Variants in SCIN observed in about 807,000 individuals in gnomAD.
SCIN encodes scinderin, also known as adseverin.
SCIN carries 91 observed loss-of-function variants against 91.8 expected under a neutral mutation model. The ratio of observed to expected loss-of-function variants is 0.99; its 90% CI spans 0.84 to 1.18. SCIN has a LOEUF of 1.18. Among genes scored for constraint, SCIN ranks in the 50% most tolerant of loss-of-function variants. The pLI is 0.00. For missense variants in SCIN, 1,087 were observed against 863.9 expected (o/e 1.26, Z -3.24); for synonymous variants, 367 against 312.6 (o/e 1.17, Z -1.84).
At chr7:12,583,219 A>T (rs561856789) in intron 3 of SCIN, among the ~76,000 whole-genome samples, 1 of 151,966 alleles carries the variant, frequency 6.6e-6, no homozygotes, top group Non-Finnish European at 1.5e-5. Context: ...ATCTGCTATG[A>T]TATTGGGCAA....
intron 3 of SCIN, among the ~76,000 whole-genome samples, chr7:12,593,543 A>G (rs1354474193): frequency 2.0e-5 from 3 of 152,218 alleles, no homozygotes; most frequent in East Asian, 3.8e-4. Context: ...AATTTTTTAA[A>G]GAAAGAACAA....
At chr7:12,614,257 G>A (rs751280745) in intron 4 of SCIN, among the ~76,000 whole-genome samples, 15 of 152,046 alleles carry the variant, frequency 9.9e-5, no homozygotes, top group Non-Finnish European at 2.1e-4. Flanking sequence ...TAATCTTTTT[G>A]TTACATTTTC....
At chr7:12,626,349 G>A (rs1481838565) in intron 7 of SCIN, 3 of 496,976 alleles carry the variant, frequency 6.0e-6, no homozygotes, top group Admixed American at 7.5e-5. Flanking sequence ...TATGTAGAAA[G>A]ACAAACTTAT....
chr7:12,594,537 A>T (rs547884587), intron 3 of SCIN, among the ~76,000 whole-genome samples: 1 of 152,160 alleles, frequency 6.6e-6, no homozygotes, highest in Non-Finnish European at 1.5e-5. Flanking sequence ...CCATTGTCCA[A>T]TTGGTATTGA....
chr7:12,625,136 TGGAA>T lies in SCIN; in HGVS notation c.887_890del (p.Trp296Ter). Reference sequence around the variant, plus strand: ...CGGGGCTGCCAAACAAATTTTCGTATGGAAAGGTAAAAAATTCCATTGACGATGC... The same window carrying T: ...CGGGGCTGCCAAACAAATTTTCGTATAGGTAAAAAATTCCATTGACGATGC... On this transcript the variant is annotated frameshift_variant and splice_region_variant, in exon 6 of 16. Transcript: ENST00000297029. LOFTEE classifies it high-confidence loss of function. The T allele has an allele frequency of 6.2e-7, 1 of 1,608,792 alleles. No individual in the cohort carries two copies.
intron 9 of SCIN, among the ~76,000 whole-genome samples, chr7:12,635,180 A>C (rs748841015): frequency 9.2e-5 from 14 of 151,764 alleles, no homozygotes; most frequent in Non-Finnish European, 1.3e-4. Flanking sequence ...AATAATAATA[A>C]TAATAATAAT....
intron 12 of SCIN, 95 bp downstream of exon 12, chr7:12,644,410 T>C: frequency 3.4e-6 from 5 of 1,457,968 alleles, no homozygotes; most frequent in Non-Finnish European, 4.6e-6. Context: ...TCTAATGGCT[T>C]ATAAGGGTTA....
rs2115305611 is a variant in SCIN at position 12,651,762 on chromosome 7, T to C, written c.1960-79T>C. 1 of 849,638 alleles carries C rather than the reference T, an allele frequency of 1.2e-6. No homozygotes were observed. Among genetic ancestry groups the C allele is most frequent in the East Asian group, 2.7e-5 (1 of 36,942 alleles). The allele number at this position is 849,638 out of a possible 1,614,324, so 52.6% of individuals were successfully genotyped here. On this transcript the variant is annotated intron_variant, in intron 14 of 15. Coordinates refer to ENST00000297029, the MANE Select transcript of SCIN (RefSeq NM_001112706.3). This position sits in a 1 kb window ranked among gnomAD's most constrained non-coding sequence, Gnocchi z 5.9. ...GTGAAGATTGAATGAGCAATGTGTG[T>C]GTGAAGCACTTTACATAGGGCCTAG... is the stretch of plus-strand genomic sequence containing the variant.
intron 1 of SCIN, chr7:12,577,625 G>C: frequency 2.2e-6 from 1 of 456,304 alleles, no homozygotes; most frequent in Non-Finnish European, 4.4e-6. Flanking sequence ...GCCAAAGCCA[G>C]AGGACTGCTT....
chr7:12,618,245 A>C (rs1383268763), intron 4 of SCIN, among the ~76,000 whole-genome samples: 3 of 152,146 alleles, frequency 2.0e-5, no homozygotes, highest in African/African-American at 7.2e-5. Flanking sequence ...CATTTCAGGT[A>C]CTCATTAGCT....
At chr7:12,596,809 C>G (rs1409058462) in intron 3 of SCIN, among the ~76,000 whole-genome samples, 2 of 152,114 alleles carry the variant, frequency 1.3e-5, no homozygotes, top group Non-Finnish European at 2.9e-5. Context: ...AGTGGCATCA[C>G]TACCAGCAAC....
chr7:12,635,943 C>T (rs1207953461), intron 9 of SCIN, 102 bp from the exon 10 acceptor site: 3 of 834,914 alleles, frequency 3.6e-6, no homozygotes, highest in Non-Finnish European at 5.9e-6. Context: ...CAGTTCGCTT[C>T]TTCTTGATCT....
At chr7:12,605,245 G>C (rs1783053707) in intron 4 of SCIN, among the ~76,000 whole-genome samples, 2 of 152,070 alleles carry the variant, frequency 1.3e-5, no homozygotes, top group South Asian at 2.1e-4. Context: ...TAGACGCAGG[G>C]CTTCACCATG....
rs114814691 is a variant in SCIN, at chr7:12,630,765, G to A, written c.1319+1543G>A. Among the ~76,000 whole-genome samples the A allele has an allele frequency of 3.5e-3, 533 of 152,286 alleles. 7 individuals carry two copies. The highest frequency in any genetic ancestry group is 0.012 in the African/African-American group (497 of 41,556). ...GACAGATTAAGTAATTTAACTCAAA[G>A]TCACAGCTGTTGTAACTGGTAAAGC... On this transcript the variant is annotated intron_variant, in intron 9 of 15. Transcript: ENST00000297029.
In SCIN at chr7:12,640,371, C is replaced by A; in HGVS notation, c.1435C>A (p.Pro479Thr). Residue 479 changes from proline (P) to threonine (T), a missense_variant, in exon 11 of 16, where the codon CCT becomes ACT. Physicochemically the swap from Pro to Thr is conservative, Grantham distance 38. Coordinates refer to ENST00000297029, the MANE Select transcript of SCIN (RefSeq NM_001112706.3). Reference protein sequence around the residue: ...VQIRVSQGKEPVHLLSLFKDK... With the variant: ...VQIRVSQGKETVHLLSLFKDK... ...GATCCGAGTCTCCCAAGGCAAAGAG[C>A]CTGTTCACCTACTGAGTTTGTTCAA... 6.2e-7 allele frequency: 1 copy of A among 1,606,140 alleles called. No individual in the cohort carries two copies. The highest frequency in any genetic ancestry group is 1.7e-5 in the Admixed American group (1 of 58,964).
At chr7:12,637,356 G>A (rs998400440) in intron 10 of SCIN, among the ~76,000 whole-genome samples, 2 of 152,128 alleles carry the variant, frequency 1.3e-5, no homozygotes, top group African/African-American at 4.8e-5. Flanking sequence ...AAATAGCATG[G>A]GTCCTTATAT....
At chr7:12,578,872 G>A (rs1782427789) in intron 2 of SCIN, among the ~76,000 whole-genome samples, 1 of 140,338 alleles carries the variant, frequency 7.1e-6, no homozygotes, top group Non-Finnish European at 1.5e-5. Context: ...TAGTTAAATG[G>A]TTCTATCCCT....
rs755117335 is a variant in SCIN at position 12,644,126 on chromosome 7, T to C, written c.1582-12T>C. The C allele has an allele frequency of 1.6e-5, 26 of 1,605,910 alleles. No homozygotes were observed. In the East Asian group the frequency reaches 5.4e-4, roughly 33 times the overall value. On this transcript the variant is annotated splice_polypyrimidine_tract_variant and intron_variant, in intron 11 of 15. Transcript: ENST00000297029. ...AATTTGAATCATTGTTTTATTTTTC[T>C]TCATATTCCAGGTTGATGTTGATGC...
At chr7:12,648,021 C>T (rs980243251) in intron 13 of SCIN, among the ~76,000 whole-genome samples, 1 of 152,094 alleles carries the variant, frequency 6.6e-6, no homozygotes, top group Admixed American at 6.6e-5. Flanking sequence ...GAACCATAAT[C>T]CAAACTCCTG....
Sources: gnomAD v4.1 joint callset for allele counts (sites outside exome capture counted in the v4.1 genomes callset) on GRCh38, gnomAD v4.1.1 for gene constraint, Gnocchi (gnomAD v3.1) non-coding constraint, MANE v1.5 for transcripts, NCBI Gene and HGNC (gene_info 2026-07-23, HGNC 2026-07-21) for gene names.